The following XKR9 variants were observed in gnomAD, a reference collection of about 807,000 sequenced individuals.
XKR9 encodes the protein XK-related protein 9.
XKR9 carries 32 observed loss-of-function variants against 32.0 expected under a neutral mutation model. That is an observed-to-expected ratio of 1.00 (90% CI 0.76 to 1.34). XKR9 has a LOEUF of 1.34. Among genes scored for constraint, XKR9 ranks in the 40% most tolerant of loss-of-function variants. The probability of loss-of-function intolerance (pLI) is 0.00; values close to 1 mark genes in which losing one functional copy is unlikely to be tolerated. For synonymous variants in XKR9, 168 were observed against 143.4 expected (o/e 1.17, Z -1.22); for missense variants, 546 against 429.7 (o/e 1.27, Z -2.39).
At chr8:71,023,761 A>G in the XKR9 span, among the ~76,000 whole-genome samples, 8 of 152,126 alleles carry the variant, frequency 5.3e-5, no homozygotes, top group African/African-American at 1.9e-4. Context: ...GATGGCCTCC[A>G]TGGACCACTC....
At chr8:70,744,686 A>G (rs1807033599) in intron 2 of XKR9, among the ~76,000 whole-genome samples, 1 of 152,132 alleles carries the variant, frequency 6.6e-6, no homozygotes, top group Non-Finnish European at 1.5e-5. Context: ...GCTCACCACA[A>G]CCTCCACCTC....
the XKR9 span, among the ~76,000 whole-genome samples, chr8:70,937,101 T>C: frequency 3.3e-5 from 5 of 151,774 alleles, no homozygotes; most frequent in African/African-American, 1.2e-4. Flanking sequence ...CATGCACACA[T>C]ACACACACCC....
chr8:70,963,786 A>G, the XKR9 span, among the ~76,000 whole-genome samples: 3 of 152,174 alleles, frequency 2.0e-5, no homozygotes, highest in African/African-American at 7.2e-5. Flanking sequence ...ATGTCTGTTC[A>G]TGTCCTTTGC....
the XKR9 span, among the ~76,000 whole-genome samples, chr8:70,867,693 C>A: frequency 1.3e-5 from 2 of 152,082 alleles, no homozygotes; most frequent in Non-Finnish European, 2.9e-5. Context: ...CTCAGGTGAT[C>A]CACCCACCTT....
chr8:70,698,823 T>G (rs997387957), intron 3 of XKR9, among the ~76,000 whole-genome samples: 1 of 152,098 alleles, frequency 6.6e-6, no homozygotes, highest in Non-Finnish European at 1.5e-5. Context: ...GGAATCTAAG[T>G]CTCTTTGTAG....
At chr8:70,773,344 T>C (rs1807478486) in intron 2 of XKR9, among the ~76,000 whole-genome samples, 1 of 152,180 alleles carries the variant, frequency 6.6e-6, no homozygotes, top group African/African-American at 2.4e-5. Flanking sequence ...GTTCTGTCAA[T>C]GATGGATTCT....
chr8:71,065,666 G>T, the XKR9 span, among the ~76,000 whole-genome samples: 6 of 152,330 alleles, frequency 3.9e-5, no homozygotes, highest in African/African-American at 1.2e-4. Flanking sequence ...AAGAATGTTG[G>T]TCTAGAATGA....
chr8:71,050,201 T>C, the XKR9 span, among the ~76,000 whole-genome samples: 1 of 148,590 alleles, frequency 6.7e-6, no homozygotes, highest in Non-Finnish European at 1.5e-5. Flanking sequence ...ATGGATTAAA[T>C]GATTTTATAT....
the XKR9 span, among the ~76,000 whole-genome samples, chr8:70,955,776 G>A: frequency 6.6e-6 from 1 of 152,198 alleles, no homozygotes; most frequent in African/African-American, 2.4e-5. Flanking sequence ...AGGGATGTGT[G>A]AGCGAGTGAG....
At chr8:70,860,172 T>G in the XKR9 span, among the ~76,000 whole-genome samples, 1 of 152,160 alleles carries the variant, frequency 6.6e-6, no homozygotes, top group South Asian at 2.1e-4. Context: ...AATGTTGGTG[T>G]CCTCTCAAAA....
the XKR9 span, among the ~76,000 whole-genome samples, chr8:70,930,463 T>G: frequency 6.6e-6 from 1 of 152,194 alleles, no homozygotes; most frequent in Non-Finnish European, 1.5e-5. Context: ...CTTAGCATAT[T>G]TTTAAAGCTA....
chr8:70,728,541 C>G (rs756782956), intron 4 of XKR9, among the ~76,000 whole-genome samples: 1 of 152,106 alleles, frequency 6.6e-6, no homozygotes, highest in Non-Finnish European at 1.5e-5. Context: ...AGTGCAGTTC[C>G]CAGTTTTAAA....
intron 3 of XKR9, among the ~76,000 whole-genome samples, chr8:70,701,115 A>T (rs994903534): frequency 6.6e-6 from 1 of 152,090 alleles, no homozygotes; most frequent in African/African-American, 2.4e-5. Flanking sequence ...TAGGAAAGGG[A>T]ACTCCCTGAC....
At chr8:70,711,429 G>C (rs1424186535) in intron 4 of XKR9, among the ~76,000 whole-genome samples, 2 of 152,126 alleles carry the variant, frequency 1.3e-5, no homozygotes, top group Non-Finnish European at 2.9e-5. Flanking sequence ...ATATACCATG[G>C]AATACTACAA....
chr8:70,954,628 C>A, the XKR9 span, among the ~76,000 whole-genome samples: 1 of 152,192 alleles, frequency 6.6e-6, no homozygotes, highest in Non-Finnish European at 1.5e-5. Context: ...AACTGCTAAC[C>A]TTGAGCCAAC....
At chr8:71,026,293 C>T in the XKR9 span, among the ~76,000 whole-genome samples, 1 of 152,104 alleles carries the variant, frequency 6.6e-6, no homozygotes, top group East Asian at 1.9e-4. Context: ...AATGGTTTGT[C>T]AAAATTTATT....
intron 2 of XKR9, among the ~76,000 whole-genome samples, chr8:70,768,770 T>A (rs1267240831): frequency 6.6e-6 from 1 of 151,356 alleles, no homozygotes; most frequent in Non-Finnish European, 1.5e-5. Context: ...TTTTTTTGAT[T>A]TACATTTGCT....
the XKR9 span, among the ~76,000 whole-genome samples, chr8:70,924,385 T>G: frequency 6.6e-6 from 1 of 152,200 alleles, no homozygotes; most frequent in African/African-American, 2.4e-5. Context: ...TTTGACCATG[T>G]AAGCCTCTGG....
chr8:70,712,715 T>A (rs1467807100), intron 4 of XKR9, among the ~76,000 whole-genome samples: 1 of 151,932 alleles, frequency 6.6e-6, no homozygotes, highest in East Asian at 1.9e-4. Context: ...ACAAACAAAA[T>A]AACTCCCCCT....
Sources: gnomAD v4.1 joint callset for allele counts (sites outside exome capture counted in the v4.1 genomes callset) on GRCh38, gnomAD v4.1.1 for gene constraint, MANE v1.5 for transcripts, NCBI Gene and HGNC (gene_info 2026-07-23, HGNC 2026-07-21) for gene names.